PDE4B: variants seen among roughly 807,000 people sequenced by gnomAD.
PDE4B encodes the protein 3',5'-cyclic-AMP phosphodiesterase 4B.
PDE4B carries 20 observed loss-of-function variants against 82.2 expected under a neutral mutation model. The ratio of observed to expected loss-of-function variants is 0.24; its 90% confidence interval spans 0.17 to 0.35. The LOEUF (loss-of-function observed/expected upper bound fraction) is 0.35, where lower values mean the gene tolerates loss of function less well. Among genes scored for constraint, PDE4B ranks in the 10% least tolerant of loss-of-function variants. The pLI, the probability that PDE4B is intolerant of heterozygous loss-of-function variation, is 1.00. For synonymous variants in PDE4B, 320 were observed against 318.9 expected (o/e 1.00, Z -0.04); for missense variants, 655 against 907.2 (o/e 0.72, Z 3.57).
chr1:66,343,859 ATT>A (rs536215650), intron 8 of PDE4B, among the ~76,000 whole-genome samples: 91 of 148,218 alleles, frequency 6.1e-4, no homozygotes, highest in African/African-American at 2.2e-3. Context: ...TAAAGATAGA[ATT>A]TTTTTTTTTG....
At chr1:65,972,284 A>C (rs1038486392) in intron 3 of PDE4B, among the ~76,000 whole-genome samples, 3 of 152,186 alleles carry the variant, frequency 2.0e-5, no homozygotes, top group African/African-American at 7.2e-5. Context: ...GGCCGGGAGA[A>C]TATTCCTTCA....
intron 7 of PDE4B, among the ~76,000 whole-genome samples, chr1:66,321,751 G>C (rs1659418715): frequency 6.6e-6 from 1 of 152,116 alleles, no homozygotes. Context: ...TACTGCCCAA[G>C]GTAATTTATA....
At chr1:65,916,679 T>G (rs1168923466) in intron 2 of PDE4B, among the ~76,000 whole-genome samples, 1 of 152,158 alleles carries the variant, frequency 6.6e-6, no homozygotes, top group African/African-American at 2.4e-5. Context: ...TAAAGAAGTT[T>G]GTAAGTCTTT....
rs372187760 is a variant in PDE4B, at chr1:66,257,650, C to T, written c.480C>T (p.His160=). 3.8e-5 allele frequency: 61 copies of T among 1,613,178 alleles called. 1 individual carries two copies. The highest frequency in any genetic ancestry group is 1.6e-4 in the Middle Eastern group (1 of 6,082). ...TCTTTTTTTCTCTTTTCACCAGACACGGCGATGACTTGATTGTAACTCCTT... is the reference window on the plus strand; with the variant it reads ...TCTTTTTTTCTCTTTTCACCAGACATGGCGATGACTTGATTGTAACTCCTT... ...SRNSSLPSEQ[H]GDDLIVTPFA... Residue 160 remains histidine, a synonymous_variant, in exon 5 of 17, where the codon CAC becomes CAT. Coordinates refer to ENST00000341517, the MANE Select transcript of PDE4B (RefSeq NM_002600.4).
intron 3 of PDE4B, among the ~76,000 whole-genome samples, chr1:66,222,218 C>T (rs1037193292): frequency 1.3e-5 from 2 of 152,172 alleles, no homozygotes; most frequent in Non-Finnish European, 2.9e-5. Flanking sequence ...TCTCGCTGTA[C>T]GTGGTCTTCC....
chr1:66,102,604 C>A (rs1031195417), intron 3 of PDE4B, among the ~76,000 whole-genome samples: 3 of 151,982 alleles, frequency 2.0e-5, no homozygotes, highest in Admixed American at 6.6e-5. Context: ...TGCTAAAATG[C>A]GTACAAAATA....
chr1:65,859,703 A>G (rs1012933324), intron 1 of PDE4B, among the ~76,000 whole-genome samples: 1 of 152,224 alleles, frequency 6.6e-6, no homozygotes, highest in South Asian at 2.1e-4. Flanking sequence ...TAACTGACAT[A>G]CAATGTACAA....
intron 3 of PDE4B, among the ~76,000 whole-genome samples, chr1:66,208,424 A>G (rs1004568385): frequency 6.6e-6 from 1 of 152,210 alleles, no homozygotes; most frequent in Non-Finnish European, 1.5e-5. Flanking sequence ...TAGCTACACC[A>G]GCCAGTTCTA....
intron 1 of PDE4B, among the ~76,000 whole-genome samples, chr1:65,815,213 C>A (rs993554091): frequency 1.0e-4 from 14 of 138,798 alleles, no homozygotes; most frequent in Non-Finnish European, 1.9e-4. Context: ...CCCCCTCCCC[C>A]CCACCCTCAA....
chr1:65,937,502 A>G (rs973741105), intron 3 of PDE4B, among the ~76,000 whole-genome samples: 1 of 152,132 alleles, frequency 6.6e-6, no homozygotes, highest in African/African-American at 2.4e-5. Flanking sequence ...ATACCCATAG[A>G]TGTGCAAATG....
intron 3 of PDE4B, among the ~76,000 whole-genome samples, chr1:66,086,291 G>A (rs563220867): frequency 1.3e-5 from 2 of 152,198 alleles, no homozygotes; most frequent in South Asian, 2.1e-4. Flanking sequence ...ACTTTCCTTC[G>A]TGCTAATTTA....
At chr1:65,856,888 C>T (rs576726095) in intron 1 of PDE4B, among the ~76,000 whole-genome samples, 1 of 152,316 alleles carries the variant, frequency 6.6e-6, no homozygotes, top group Non-Finnish European at 1.5e-5. Context: ...CACAGATATA[C>T]TCCTTCCTTC....
At chr1:66,059,736 A>T (rs1350072628) in intron 3 of PDE4B, among the ~76,000 whole-genome samples, 5 of 152,226 alleles carry the variant, frequency 3.3e-5, no homozygotes, top group Non-Finnish European at 7.3e-5. Flanking sequence ...TGTGGGAATT[A>T]TGGAGGCCAC....
chr1:66,055,030 A>C (rs1655225488), intron 3 of PDE4B, among the ~76,000 whole-genome samples: 3 of 152,200 alleles, frequency 2.0e-5, no homozygotes, highest in Admixed American at 2.0e-4. Flanking sequence ...AAGAGTGCAA[A>C]TGCGATTTAG....
At chr1:65,938,287 C>T (rs146184997) in intron 3 of PDE4B, among the ~76,000 whole-genome samples, 2 of 152,292 alleles carry the variant, frequency 1.3e-5, no homozygotes, top group Non-Finnish European at 2.9e-5. Context: ...ACCATCAACA[C>T]CACCCCCATC....
At chr1:65,865,346 A>C (rs924282816) in intron 1 of PDE4B, among the ~76,000 whole-genome samples, 3 of 151,690 alleles carry the variant, frequency 2.0e-5, no homozygotes, top group African/African-American at 7.3e-5. Context: ...GAGTGAGACC[A>C]CTTGGCTCCC....
At position 65,930,456 on chromosome 1, in the gene PDE4B, C is replaced by T. The variant is rs1032186253; in HGVS notation, c.281+11621C>T. Among the ~76,000 whole-genome samples the T allele has an allele frequency of 3.3e-5, 5 of 152,360 alleles. No homozygotes were observed. The East Asian group carries it at 9.6e-4, about 29-fold the overall frequency. On this transcript the variant is annotated intron_variant, in intron 3 of 16. Coordinates refer to ENST00000341517, the MANE Select transcript of PDE4B (RefSeq NM_002600.4). ...TGCACCTGGAAAAGCTACAGGCATT[C>T]AATGCCAGCCCTTGAGAGCAGCATT...
At chr1:66,220,572 T>G (rs1366760246) in intron 3 of PDE4B, among the ~76,000 whole-genome samples, 1 of 152,160 alleles carries the variant, frequency 6.6e-6, no homozygotes, top group Non-Finnish European at 1.5e-5. Context: ...TTAGAATGGC[T>G]CCTCCCTTTT....
intron 3 of PDE4B, among the ~76,000 whole-genome samples, chr1:66,075,241 A>G (rs1047534299): frequency 1.3e-5 from 2 of 152,034 alleles, no homozygotes; most frequent in African/African-American, 4.8e-5. Flanking sequence ...GCCAAAAATT[A>G]TCCCATGCTA....
Sources: gnomAD v4.1 joint callset for allele counts (sites outside exome capture counted in the v4.1 genomes callset) on GRCh38, gnomAD v4.1.1 for gene constraint, MANE v1.5 for transcripts, NCBI Gene and HGNC (gene_info 2026-07-23, HGNC 2026-07-21) for gene names.